Variants in CCNH observed in about 807,000 individuals in gnomAD.
CCNH encodes cyclin H, also known as cyclin-H.
Under a neutral mutation model 41.9 loss-of-function variants are expected in CCNH, and 31 were observed. The observed-to-expected ratio is 0.74, with a 90% CI of 0.56 to 1.00. CCNH has a LOEUF of 1.00. Among genes scored for constraint, CCNH ranks in the 50% least tolerant of loss-of-function variants. The pLI is 0.00. For missense variants in CCNH, 362 were observed against 388.4 expected (o/e 0.93, Z 0.57); for synonymous variants, 138 against 136.1 (o/e 1.01, Z -0.10).
intron 9 of CCNH, among the ~76,000 whole-genome samples, chr5:87,364,210 G>T (rs776716654): frequency 1.3e-4 from 20 of 152,100 alleles, no homozygotes; most frequent in Non-Finnish European, 2.8e-4. Flanking sequence ...TCTGCCGCAG[G>T]ATGGCATTTC....
At chr5:87,320,019 T>C (rs1756667798) in intron 9 of CCNH, among the ~76,000 whole-genome samples, 1 of 152,142 alleles carries the variant, frequency 6.6e-6, no homozygotes, top group Admixed American at 6.5e-5. Context: ...CCCTAAATCA[T>C]CTCTCAAGTT....
At chr5:87,351,771 CCTAT>C (rs1209330800) in intron 9 of CCNH, among the ~76,000 whole-genome samples, 1 of 151,708 alleles carries the variant, frequency 6.6e-6, no homozygotes, top group Non-Finnish European at 1.5e-5. Flanking sequence ...TTGGTAAAAA[CCTAT>C]CTGATTGGTT....
At chr5:87,388,221 A>C (rs1349697962), downstream of CCNH, among the ~76,000 whole-genome samples, 1 of 152,166 alleles carries the variant, frequency 6.6e-6, no homozygotes, top group East Asian at 1.9e-4. Flanking sequence ...ATAAACCTTT[A>C]ATCACTGAAT....
At chr5:87,385,835 A>G (rs1418752254) in intron 9 of CCNH, among the ~76,000 whole-genome samples, 2 of 152,048 alleles carry the variant, frequency 1.3e-5, no homozygotes, top group Non-Finnish European at 2.9e-5. Flanking sequence ...CTAATACGTG[A>G]CAGACTTCTT....
downstream of CCNH, chr5:87,390,976 G>T: frequency 7.8e-7 from 1 of 1,286,240 alleles, no homozygotes; most frequent in Non-Finnish European, 1.1e-6. Context: ...CCAAAAAATA[G>T]CACACTTTTC....
chr5:87,410,456 T>A (rs1461091267), intron 2 of CCNH, among the ~76,000 whole-genome samples: 2 of 152,158 alleles, frequency 1.3e-5, no homozygotes, highest in East Asian at 1.9e-4. Flanking sequence ...TACTTCAATT[T>A]TTTTTTCAAC....
chr5:87,356,520 G>C (rs974076199), intron 9 of CCNH, among the ~76,000 whole-genome samples: 2 of 151,962 alleles, frequency 1.3e-5, no homozygotes. Flanking sequence ...CTCCCCAGTA[G>C]CTAGGACTGC....
chr5:87,372,051 C>G, downstream of CCNH: 1 of 1,371,570 alleles, frequency 7.3e-7, no homozygotes, highest in African/African-American at 1.5e-5. Context: ...AAAAAAAAAC[C>G]TAACTGATGA....
At chr5:87,369,773 T>C in intron 9 of CCNH, 2 of 1,459,788 alleles carry the variant, frequency 1.4e-6, no homozygotes, top group Non-Finnish European at 1.9e-6. Flanking sequence ...TTTGCTACTT[T>C]TTATTAAGCT....
At chr5:87,409,400 C>A in intron 2 of CCNH, 37 bp from the exon 3 acceptor site, 2 of 1,179,128 alleles carry the variant, frequency 1.7e-6, no homozygotes, top group South Asian at 2.6e-5. Flanking sequence ...AGGATCTAGT[C>A]ACAAATGTTA....
downstream of CCNH, chr5:87,389,386 C>A (rs1273795558): frequency 6.2e-7 from 1 of 1,613,916 alleles, no homozygotes; most frequent in South Asian, 1.1e-5. Context: ...TTACGATTCC[C>A]TTAAAGAATG....
At chr5:87,405,815 A>G (rs920158533) in intron 4 of CCNH, among the ~76,000 whole-genome samples, 7 of 151,968 alleles carry the variant, frequency 4.6e-5, no homozygotes, top group African/African-American at 1.7e-4. Context: ...CTGCCAACAA[A>G]TTTCTGGCAA....
intron 9 of CCNH, among the ~76,000 whole-genome samples, chr5:87,341,861 TTTTC>T (rs1489901463): frequency 6.6e-6 from 1 of 152,146 alleles, no homozygotes; most frequent in African/African-American, 2.4e-5. Context: ...GTACAACATT[TTTTC>T]TTATCTTTCA....
chr5:87,404,451 G>A (rs556180954), intron 5 of CCNH, among the ~76,000 whole-genome samples: 3 of 152,248 alleles, frequency 2.0e-5, no homozygotes, highest in African/African-American at 7.2e-5. Context: ...TGTCTAATTG[G>A]CTGCTAGCTT....
At chr5:87,324,190 GTT>G (rs1757039735) in intron 9 of CCNH, among the ~76,000 whole-genome samples, 1 of 152,178 alleles carries the variant, frequency 6.6e-6, no homozygotes, top group African/African-American at 2.4e-5. Flanking sequence ...AATTGATACT[GTT>G]TTGAGGATTT....
chr5:87,381,408 C>T (rs1310546714), upstream of CCNH, among the ~76,000 whole-genome samples: 1 of 152,110 alleles, frequency 6.6e-6, no homozygotes, highest in African/African-American at 2.4e-5. Context: ...AATGCGAAAG[C>T]GTCATGGAAT....
At chr5:87,350,234 G>A (rs981587886) in intron 9 of CCNH, among the ~76,000 whole-genome samples, 1 of 151,838 alleles carries the variant, frequency 6.6e-6, no homozygotes, top group Non-Finnish European at 1.5e-5. Context: ...GACATCAAAT[G>A]TAAGATGTGA....
At chr5:87,408,918 G>GT (rs1764005468) in intron 3 of CCNH, among the ~76,000 whole-genome samples, 1 of 152,122 alleles carries the variant, frequency 6.6e-6, no homozygotes, top group Admixed American at 6.5e-5. Flanking sequence ...ACTGAAATGA[G>GT]TATGAAGCTA....
intron 9 of CCNH, among the ~76,000 whole-genome samples, chr5:87,367,063 T>G (rs1330606352): frequency 6.6e-6 from 1 of 151,824 alleles, no homozygotes; most frequent in Non-Finnish European, 1.5e-5. Context: ...ACAACAAAAA[T>G]TTTTTTTTCA....
Sources: allele counts gnomAD v4.1 joint callset (sites outside exome capture counted in the v4.1 genomes callset), GRCh38; gene constraint gnomAD v4.1.1; transcripts MANE v1.5; gene names NCBI Gene and HGNC (gene_info 2026-07-23, HGNC 2026-07-21).